The following TLX1 variants were observed in gnomAD, a reference collection of about 807,000 sequenced individuals.
The protein encoded by TLX1 is T-cell leukemia homeobox protein 1.
A neutral mutation model predicts 26.5 loss-of-function variants in TLX1; 6 were observed. That is an observed-to-expected ratio of 0.23 (90% CI 0.12 to 0.45). The LOEUF (loss-of-function observed/expected upper bound fraction) is 0.45, where lower values mean the gene tolerates loss of function less well. Among genes scored for constraint, TLX1 ranks in the 20% least tolerant of loss-of-function variants. TLX1 has a pLI of 0.99. For synonymous variants in TLX1, 217 were observed against 219.7 expected (o/e 0.99, Z 0.11); for missense variants, 418 against 482.6 (o/e 0.87, Z 1.25).
intron 1 of TLX1, among the ~76,000 whole-genome samples, chr10:101,133,624 G>C (rs1940226759): frequency 1.3e-5 from 2 of 152,252 alleles, no homozygotes; most frequent in Non-Finnish European, 1.5e-5. Context: ...GTTTCAGCGA[G>C]TGTATGGCTG....
At chr10:101,134,151 C>T (rs746614220) in intron 1 of TLX1, 24 bp from the exon 2 acceptor site, 1 of 1,574,144 alleles carries the variant, frequency 6.4e-7, no homozygotes, top group South Asian at 1.2e-5. Flanking sequence ...GCCCTCTCAC[C>T]CTTCACTGTA....
intron 2 of TLX1, 111 bp from the exon 3 acceptor site, chr10:101,136,580 C>A: frequency 6.3e-7 from 1 of 1,588,050 alleles, no homozygotes; most frequent in Non-Finnish European, 8.6e-7. Context: ...TTGGGGACTG[C>A]AAAGGCGAGC....
chr10:101,132,671 T>TC lies in TLX1; in HGVS notation c.568+564dup, dbSNP rs1564676024. The TC allele has an allele frequency of 1.3e-5, 2 of 151,396 alleles. No individual in the cohort carries two copies. Among genetic ancestry groups the TC allele is most frequent in the Admixed American group, 6.6e-5 (1 of 15,256 alleles). The allele number at this position is 151,396 out of a possible 1,614,324, so 9.4% of individuals were successfully genotyped here. On this transcript the variant is annotated intron_variant, in intron 1 of 2. Coordinates refer to ENST00000370196, the MANE Select transcript of TLX1 (RefSeq NM_005521.4). The surrounding 1 kb of genome is among the most constrained non-coding windows in gnomAD (Gnocchi z 4.1). Reference sequence around the variant, plus strand: ...AGAACCAGTGGCCTTTTTTTTTTTTTCCGGAGAGCAGGCTTCATCTGGGAG... The same window carrying TC: ...AGAACCAGTGGCCTTTTTTTTTTTTTCCCGGAGAGCAGGCTTCATCTGGGAG...
In TLX1 at chr10:101,131,453, G is replaced by C; in HGVS notation, c.-89G>C. 9.1e-7 allele frequency: 1 copy of C among 1,101,412 alleles called. No individual in the cohort carries two copies. The highest frequency in any genetic ancestry group is 3.2e-5 in the East Asian group (1 of 31,580). The allele number at this position is 1,101,412 out of a possible 1,614,324, so 68.2% of individuals were successfully genotyped here. On this transcript the variant is annotated 5_prime_UTR_variant, in exon 1 of 3. Coordinates refer to ENST00000370196, the MANE Select transcript of TLX1 (RefSeq NM_005521.4). The stretch of plus-strand genomic sequence containing the variant: ...CCAAGTCTCCGCGCAGCCAGGAGCC[G>C]CTGTTGCCTCCCAGCCCCTGCTAGC...
At position 101,134,911 on chromosome 10, in the gene TLX1, G is replaced by C. The variant is rs533709921; in HGVS notation, c.770+535G>C. 5.3e-5 allele frequency among the ~76,000 whole-genome samples: 8 copies of C among 152,366 alleles called. No homozygotes were observed. In the South Asian group the frequency reaches 1.7e-3, roughly 32 times the overall value. The stretch of plus-strand genomic sequence containing the variant: ...CTTTGCGCAGCCGGTCCCTACCCTG[G>C]AAGGAGAAAATCAATCCGCGCCGGC... On this transcript the variant is annotated intron_variant, in intron 2 of 2. Coordinates refer to ENST00000370196, the MANE Select transcript of TLX1 (RefSeq NM_005521.4).
At chr10:101,135,302 G>T (rs1940272197) in intron 2 of TLX1, 1 of 153,622 alleles carries the variant, frequency 6.5e-6, no homozygotes, top group Admixed American at 6.5e-5. Context: ...CGAGACGGGC[G>T]GGCCTTGGGG....
At chr10:101,135,275 GGC>G (rs1166465415) in intron 2 of TLX1, 1 of 152,908 alleles carries the variant, frequency 6.5e-6, no homozygotes, top group Non-Finnish European at 1.5e-5. Flanking sequence ...GGAGAGTCTG[GGC>G]GAAGTCGGCG....
rs779863392 is a variant in TLX1, at chr10:101,136,640, G to A, written c.771-51G>A. The stretch of plus-strand genomic sequence containing the variant: ...GGAACGCACCAGGAGTTGGGCACAC[G>A]CGGGAGCTGGGTCGGTGCTCCTGGC... On this transcript the variant is annotated intron_variant, in intron 2 of 2. Coordinates refer to ENST00000370196, the MANE Select transcript of TLX1 (RefSeq NM_005521.4). The A allele has an allele frequency of 3.9e-5, 63 of 1,612,126 alleles. No homozygotes were observed. In the Middle Eastern group the frequency reaches 8.2e-4, roughly 21 times the overall value.
rs1374842986 is a variant in TLX1 at position 101,131,324 on chromosome 10, G to A, written c.-218G>A. The A allele has an allele frequency of 4.8e-6, 2 of 420,330 alleles. No homozygotes were observed. The highest frequency in any genetic ancestry group is 2.1e-5 in the African/African-American group (1 of 48,710). 26.0% of individuals were successfully genotyped at this position (420,330 alleles called of 1,614,324 possible). A position where few individuals can be genotyped will look rare whatever the true frequency, so the allele number is the denominator to read the frequency against. On this transcript the variant is annotated 5_prime_UTR_variant, in exon 1 of 3. Transcript: ENST00000370196. ...TGATGTCCCAGAGTCAACAGCGAGC[G>A]AGCAGCCGGAGCGGGGAAGCAGAAG...
intron 1 of TLX1, among the ~76,000 whole-genome samples, chr10:101,133,667 G>A (rs1249749312): frequency 6.6e-6 from 1 of 152,248 alleles, no homozygotes; most frequent in Non-Finnish European, 1.5e-5. Flanking sequence ...CTGTGTGCTT[G>A]TCCCGTGCCT....
chr10:101,131,755 G>C lies in TLX1; in HGVS notation c.214G>C (p.Gly72Arg). The change falls in exon 1 of 3, where the codon GGG becomes CGG. Residue 72 changes from glycine to arginine, a missense_variant. Around this residue, in one of 3 missense-constraint regions of TLX1, gnomAD observed 322 missense variants for 344.6 expected, o/e 0.93. Coordinates refer to ENST00000370196, the MANE Select transcript of TLX1 (RefSeq NM_005521.4). ...GGCCGCGACGGGGGCTGGAGGAGCG[G>C]GGGCCTATGGTACTGGAGGTCCCGG... The part of the protein sequence containing the change: ...SAAATGAGGA[G>R]AYGTGGPGGP... 7.1e-7 allele frequency: 1 copy of C among 1,417,352 alleles called. No homozygotes were observed. The highest frequency in any genetic ancestry group is 9.2e-7 in the Non-Finnish European group (1 of 1,091,962). The allele number at this position is 1,417,352 out of a possible 1,614,324, so 87.8% of individuals were successfully genotyped here.
rs953145196 is a variant in TLX1, at chr10:101,132,334, C to T, written c.568+225C>T. ...CTCTGTCTCCCGAAGGACCCCTGCT[C>T]GGAGGAGCTCTCCCTGGTCCCCTCT... On this transcript the variant is annotated intron_variant, in intron 1 of 2. Coordinates refer to ENST00000370196, the MANE Select transcript of TLX1 (RefSeq NM_005521.4). This position sits in a 1 kb window ranked among gnomAD's most constrained non-coding sequence, Gnocchi z 4.1. Among the ~76,000 whole-genome samples the T allele has an allele frequency of 6.6e-6, 1 of 152,250 alleles. No individual in the cohort carries two copies. The highest frequency in any genetic ancestry group is 2.4e-5 in the African/African-American group (1 of 41,470).
At position 101,132,483 on chromosome 10, in the gene TLX1, T is replaced by C. The variant is rs878994063; in HGVS notation, c.568+374T>C. On this transcript the variant is annotated intron_variant, in intron 1 of 2. Coordinates refer to ENST00000370196, the MANE Select transcript of TLX1 (RefSeq NM_005521.4). The surrounding 1 kb of genome is among the most constrained non-coding windows in gnomAD (Gnocchi z 4.1). ...GCAACGTGAACAGTTTCTTCCGTCC[T>C]GGCTGCTGTTCTAGGACCCAGGAAG... Among the ~76,000 whole-genome samples the C allele has an allele frequency of 3.3e-5, 5 of 152,214 alleles. No homozygotes were observed. The highest frequency in any genetic ancestry group is 3.3e-4 in the Admixed American group (5 of 15,286).
chr10:101,134,474 C>A, intron 2 of TLX1, 98 bp downstream of exon 2: 1 of 1,326,166 alleles, frequency 7.5e-7, no homozygotes, highest in Non-Finnish European at 1.0e-6. Context: ...TTTTTCCGCT[C>A]GCGGTTTCTG....
intron 2 of TLX1, 99 bp downstream of exon 2, chr10:101,134,475 G>A: frequency 1.5e-6 from 2 of 1,325,006 alleles, no homozygotes; most frequent in Non-Finnish European, 2.0e-6. Flanking sequence ...TTTTCCGCTC[G>A]CGGTTTCTGA....
At chr10:101,133,362 G>A (rs575499016) in intron 1 of TLX1, among the ~76,000 whole-genome samples, 1 of 152,352 alleles carries the variant, frequency 6.6e-6, no homozygotes, top group South Asian at 2.1e-4. Context: ...GTGTCCAGAG[G>A]AAGAACAGTT....
In TLX1 at chr10:101,137,306, A is replaced by C; in HGVS notation, c.*393A>C. ...ACCCCTTCTCTGTGACCCACTTCTC[A>C]TCACACACATGGAAACCCATAGGCC... On this transcript the variant is annotated 3_prime_UTR_variant, in exon 3 of 3. Coordinates refer to ENST00000370196, the MANE Select transcript of TLX1 (RefSeq NM_005521.4). The C allele has an allele frequency of 3.2e-6, 1 of 316,396 alleles. No individual in the cohort carries two copies. The highest frequency in any genetic ancestry group is 5.9e-6 in the Non-Finnish European group (1 of 168,736). 19.6% of individuals were successfully genotyped at this position (316,396 alleles called of 1,614,324 possible).
In TLX1 at chr10:101,136,752, T is replaced by C. The variant is rs1266051372; in HGVS notation, c.832T>C (p.Leu278=). Residue 278 remains leucine (L), a synonymous_variant, in exon 3 of 3, where the codon TTG becomes CTG. Coordinates refer to ENST00000370196, the MANE Select transcript of TLX1 (RefSeq NM_005521.4). ...RQQANRILLQ[L]QQEAFQKSLA... ...GCAAGCGAACCGCATCCTCCTGCAGTTGCAGCAGGAGGCCTTCCAGAAGAG... is the reference window on the plus strand; with the variant it reads ...GCAAGCGAACCGCATCCTCCTGCAGCTGCAGCAGGAGGCCTTCCAGAAGAG... 3.1e-6 allele frequency: 5 copies of C among 1,613,110 alleles called. No homozygotes were observed. The Admixed American group carries it at 8.3e-5, about 27-fold the overall frequency.
At position 101,136,888 on chromosome 10, in the gene TLX1, C is replaced by G; in HGVS notation, c.968C>G (p.Thr323Arg). 1 of 1,613,658 alleles carries G rather than the reference C, an allele frequency of 6.2e-7. No individual in the cohort carries two copies. The highest frequency in any genetic ancestry group is 8.5e-7 in the Non-Finnish European group (1 of 1,180,008). ...SDDSTKITSV[T>R]SVASACE ...GACTCGACCAAAATCACTAGCGTCA[C>G]GTCGGTGGCGTCGGCCTGCGAGTGA... Residue 323 changes from threonine (T) to arginine (R), a missense_variant, in exon 3 of 3, where the codon ACG (threonine) becomes AGG (arginine). Around this residue, in one of 3 missense-constraint regions of TLX1, gnomAD observed 78 missense variants for 92.2 expected, o/e 0.85. Transcript: ENST00000370196.
Sources: allele counts gnomAD v4.1 joint callset (sites outside exome capture counted in the v4.1 genomes callset), GRCh38; gene constraint gnomAD v4.1.1; regional missense constraint gnomAD v4.1.1; non-coding constraint Gnocchi (gnomAD v3.1); transcripts MANE v1.5; gene names NCBI Gene and HGNC (gene_info 2026-07-23, HGNC 2026-07-21).